The following OR7E24 variants were observed in gnomAD, a reference collection of about 807,000 sequenced individuals.
OR7E24 encodes the protein olfactory receptor family 7 subfamily E member 24.
For synonymous variants in OR7E24, 130 were observed against 157.5 expected, an observed-to-expected ratio of 0.83 and a Z score of 1.31; for missense variants, 385 against 410.3, an observed-to-expected ratio of 0.94 and a Z score of 0.53.
the OR7E24 span, among the ~76,000 whole-genome samples, chr19:9,239,134 T>C: frequency 6.6e-6 from 1 of 152,132 alleles, no homozygotes; most frequent in African/African-American, 2.4e-5. Flanking sequence ...CAGTATGCAA[T>C]GTCCCTTTTC....
In OR7E24 at chr19:9,251,969, G is replaced by T; in HGVS notation, c.926G>T (p.Ser309Ile). The T allele has an allele frequency of 6.2e-7, 1 of 1,614,140 alleles. No homozygotes were observed. The highest frequency in any genetic ancestry group is 8.5e-7 in the Non-Finnish European group (1 of 1,180,030). ...VTPMLNPFIY[S>I]LRNKDIQSAL... ...CCCATGCTGAACCCCTTCATCTACA[G>T]CCTGAGGAACAAGGACATTCAAAGT... Residue 309 changes from serine to isoleucine, a missense_variant, in exon 1 of 1, where the codon AGC (serine) becomes ATC (isoleucine). Physicochemically the swap from Ser to Ile is moderately radical, Grantham distance 142. Coordinates refer to ENST00000456448, the MANE Select transcript of OR7E24 (RefSeq NM_001079935.2).
the OR7E24 span, chr19:9,235,757 T>C: frequency 6.2e-7 from 1 of 1,608,962 alleles, no homozygotes; most frequent in South Asian, 1.1e-5. Flanking sequence ...GCCATGGCAC[T>C]GCTGGGTGTG....
At chr19:9,237,850 C>T in the OR7E24 span, among the ~76,000 whole-genome samples, 1 of 152,144 alleles carries the variant, frequency 6.6e-6, no homozygotes, top group Non-Finnish European at 1.5e-5. Flanking sequence ...ACTTCTGGGT[C>T]CTATGGTAAT....
chr19:9,209,654 CT>C, the OR7E24 span: 61,988 of 141,182 alleles, frequency 0.44, 16,457 homozygotes, highest in African/African-American at 0.78. Flanking sequence ...CAAAACATTT[CT>C]TTTTTTTTTT....
chr19:9,236,025 C>T, the OR7E24 span: 2 of 1,610,022 alleles, frequency 1.2e-6, no homozygotes, highest in African/African-American at 2.7e-5. Flanking sequence ...GCCTGAGGAA[C>T]AAGGATGTGA....
chr19:9,243,418 G>A (rs984351504), upstream of OR7E24, among the ~76,000 whole-genome samples: 3 of 145,552 alleles, frequency 2.1e-5, no homozygotes. Flanking sequence ...CTGAAATCTT[G>A]AACTCCTGGG....
chr19:9,217,457 C>G, the OR7E24 span, among the ~76,000 whole-genome samples: 2 of 152,142 alleles, frequency 1.3e-5, no homozygotes, highest in Non-Finnish European at 2.9e-5. Context: ...TGAAGACCAA[C>G]TTTAGTCCTG....
upstream of OR7E24, chr19:9,247,471 G>A: frequency 2.5e-6 from 1 of 398,690 alleles, no homozygotes; most frequent in Non-Finnish European, 4.4e-6. Context: ...GAGGACAGCG[G>A]ACCTACTCTC....
the OR7E24 span, among the ~76,000 whole-genome samples, chr19:9,233,204 C>A: frequency 1.2e-4 from 18 of 152,200 alleles, no homozygotes; most frequent in African/African-American, 4.1e-4. Flanking sequence ...AATTCGTCTT[C>A]TATGATGTTT....
upstream of OR7E24, among the ~76,000 whole-genome samples, chr19:9,249,405 A>T (rs1568335663): frequency 1.3e-5 from 2 of 152,194 alleles, no homozygotes; most frequent in Non-Finnish European, 2.9e-5. Context: ...CTGTACTTTC[A>T]TTCCTTCCAG....
chr19:9,238,872 A>G, the OR7E24 span, among the ~76,000 whole-genome samples: 2 of 152,216 alleles, frequency 1.3e-5, no homozygotes, highest in South Asian at 2.1e-4. Context: ...TGTAAAGGCT[A>G]AATAGTATTC....
chr19:9,231,466 G>A, the OR7E24 span, among the ~76,000 whole-genome samples: 1 of 152,138 alleles, frequency 6.6e-6, no homozygotes, highest in Non-Finnish European at 1.5e-5. Context: ...TGTAGTCCCA[G>A]CTACTTGGGA....
At chr19:9,207,770 A>G in the OR7E24 span, 9 of 152,056 alleles carry the variant, frequency 5.9e-5, no homozygotes, top group African/African-American at 2.2e-4. Flanking sequence ...TCTTGAAGTT[A>G]TTGCTCTGTT....
the OR7E24 span, chr19:9,235,875 C>T: frequency 5.0e-6 from 8 of 1,607,402 alleles, no homozygotes; most frequent in South Asian, 2.2e-5. Context: ...GTGGATCTCA[C>T]CTCTGTGTGG....
chr19:9,232,819 C>CA, the OR7E24 span, among the ~76,000 whole-genome samples: 3 of 151,372 alleles, frequency 2.0e-5, no homozygotes, highest in Non-Finnish European at 2.9e-5. Flanking sequence ...GGTATTACCC[C>CA]AAACGAATGA....
the OR7E24 span, among the ~76,000 whole-genome samples, chr19:9,218,446 A>C: frequency 3.3e-5 from 5 of 152,228 alleles, no homozygotes; most frequent in Admixed American, 6.5e-5. Flanking sequence ...ATTATCAACC[A>C]GGGCAGATCC....
At chr19:9,221,340 C>CCT in the OR7E24 span, among the ~76,000 whole-genome samples, 279 of 81,204 alleles carry the variant, frequency 3.4e-3, 1 homozygote, top group Non-Finnish European at 4.4e-3. Flanking sequence ...GTCTTTTGCC[C>CCT]TTTTTTTTTT....
At chr19:9,234,359 A>G in the OR7E24 span, among the ~76,000 whole-genome samples, 1 of 152,236 alleles carries the variant, frequency 6.6e-6, no homozygotes, top group South Asian at 2.1e-4. Context: ...GAAGGAGTTT[A>G]ATAATATCGA....
At chr19:9,232,976 G>A in the OR7E24 span, among the ~76,000 whole-genome samples, 3 of 152,018 alleles carry the variant, frequency 2.0e-5, no homozygotes, top group Non-Finnish European at 4.4e-5. Context: ...GTCTCTTGTG[G>A]GGCTCACGCT....
Sources: allele counts gnomAD v4.1 joint callset (sites outside exome capture counted in the v4.1 genomes callset), GRCh38; gene constraint gnomAD v4.1.1; transcripts MANE v1.5; gene names NCBI Gene and HGNC (gene_info 2026-07-23, HGNC 2026-07-21).